Variants in SLC9D1 observed in about 807,000 individuals in gnomAD.
The protein encoded by SLC9D1 is putative LAG1-interacting protein.
At chr13:113,525,624 G>A in the SLC9D1 span, among the ~76,000 whole-genome samples, 351 of 106,250 alleles carry the variant, frequency 3.3e-3, no homozygotes, top group African/African-American at 9.5e-3. Context: ...GCAGACGACA[G>A]CTCTGTGCCT....
At chr13:113,532,451 A>G in the SLC9D1 span, among the ~76,000 whole-genome samples, 1 of 152,232 alleles carries the variant, frequency 6.6e-6, no homozygotes, top group East Asian at 1.9e-4. Context: ...AGGGCATGGC[A>G]GGGCAGAGAA....
the SLC9D1 span, chr13:113,539,208 C>A: frequency 1.5e-6 from 1 of 671,882 alleles, no homozygotes; most frequent in Non-Finnish European, 2.4e-6. This position sits in a 1 kb window ranked among gnomAD's most constrained non-coding sequence, Gnocchi z 4.8. Flanking sequence ...ACCCAGCAGA[C>A]GACCCAGGAC....
the SLC9D1 span, among the ~76,000 whole-genome samples, chr13:113,521,168 G>A: frequency 6.6e-6 from 1 of 151,908 alleles, no homozygotes; most frequent in Non-Finnish European, 1.5e-5. Flanking sequence ...CGTGGTATGT[G>A]TGTGTATGTA....
At chr13:113,524,721 A>G in the SLC9D1 span, among the ~76,000 whole-genome samples, 4 of 151,832 alleles carry the variant, frequency 2.6e-5, no homozygotes, top group African/African-American at 9.7e-5. Flanking sequence ...TTTTTGGTCA[A>G]TGTCTGCAAT....
the SLC9D1 span, among the ~76,000 whole-genome samples, chr13:113,494,167 G>A: frequency 9.2e-5 from 14 of 152,250 alleles, no homozygotes; most frequent in Non-Finnish European, 1.9e-4. Context: ...ATTGGATGCT[G>A]CTATGAAGAA....
the SLC9D1 span, among the ~76,000 whole-genome samples, chr13:113,496,690 A>G: frequency 6.6e-6 from 1 of 152,232 alleles, no homozygotes; most frequent in Non-Finnish European, 1.5e-5. Context: ...CTGTGATATT[A>G]TTACACAGCA....
At chr13:113,538,501 T>C in the SLC9D1 span, among the ~76,000 whole-genome samples, 1 of 152,250 alleles carries the variant, frequency 6.6e-6, no homozygotes, top group African/African-American at 2.4e-5. Context: ...TTGGCGCTCC[T>C]GTGCGTCTGT....
At chr13:113,546,416 C>G in the SLC9D1 span, among the ~76,000 whole-genome samples, 1 of 152,014 alleles carries the variant, frequency 6.6e-6, no homozygotes, top group Admixed American at 6.6e-5. The surrounding 1 kb of genome is among the most constrained non-coding windows in gnomAD (Gnocchi z 7.1). Flanking sequence ...GGGGGCAGCT[C>G]TGAGACCCAG....
At chr13:113,535,348 C>T in the SLC9D1 span, 1 of 151,790 alleles carries the variant, frequency 6.6e-6, no homozygotes, top group Non-Finnish European at 1.5e-5. The surrounding 1 kb of genome is among the most constrained non-coding windows in gnomAD (Gnocchi z 4.1). Context: ...TGCTCCTGGA[C>T]CCCCATAGAG....
At chr13:113,548,488 G>A in the SLC9D1 span, 63 of 1,582,718 alleles carry the variant, frequency 4.0e-5, no homozygotes, top group South Asian at 7.9e-5. Context: ...CTTCTCGGGC[G>A]GCACGGGCTG....
At chr13:113,496,078 G>A in the SLC9D1 span, 2 of 1,168,428 alleles carry the variant, frequency 1.7e-6, no homozygotes, top group Non-Finnish European at 2.4e-6. Flanking sequence ...GAGAGGTGAA[G>A]AGAGAGGGAG....
the SLC9D1 span, chr13:113,496,116 G>C: frequency 2.1e-6 from 2 of 930,514 alleles, no homozygotes; most frequent in Admixed American, 5.3e-5. Flanking sequence ...TCATCCTAGA[G>C]ACAGCCCACA....
the SLC9D1 span, among the ~76,000 whole-genome samples, chr13:113,543,180 T>A: frequency 2.0e-5 from 1 of 49,582 alleles, no homozygotes; most frequent in Non-Finnish European, 3.4e-5. Context: ...GGACCCCACC[T>A]CCTCCCCCTG....
At chr13:113,539,297 A>C in the SLC9D1 span, 1 of 1,555,932 alleles carries the variant, frequency 6.4e-7, no homozygotes, top group Non-Finnish European at 8.7e-7. This position sits in a 1 kb window ranked among gnomAD's most constrained non-coding sequence, Gnocchi z 4.8. Context: ...TGGCCTTGGG[A>C]TGGGGGTGAC....
At chr13:113,521,463 G>A in the SLC9D1 span, among the ~76,000 whole-genome samples, 2 of 151,152 alleles carry the variant, frequency 1.3e-5, no homozygotes, top group Non-Finnish European at 2.9e-5. Flanking sequence ...CTGTAGGGGG[G>A]TATCCACGTG....
the SLC9D1 span, chr13:113,527,150 T>G: frequency 6.6e-6 from 1 of 152,258 alleles, no homozygotes; most frequent in Non-Finnish European, 1.5e-5. Flanking sequence ...TCTCTTCTTT[T>G]ATTGAATACC....
chr13:113,501,067 C>G, the SLC9D1 span, among the ~76,000 whole-genome samples: 2 of 152,202 alleles, frequency 1.3e-5, no homozygotes, highest in Admixed American at 6.5e-5. Flanking sequence ...ACTAAAGATT[C>G]CTGCCTGCAC....
chr13:113,502,974 T>C, the SLC9D1 span, among the ~76,000 whole-genome samples: 1 of 152,186 alleles, frequency 6.6e-6, no homozygotes, highest in Non-Finnish European at 1.5e-5. Context: ...GTGTGGGGGC[T>C]CCCAGGACAG....
the SLC9D1 span, among the ~76,000 whole-genome samples, chr13:113,496,304 G>A: frequency 1.3e-5 from 2 of 152,192 alleles, no homozygotes; most frequent in African/African-American, 4.8e-5. Context: ...TTTCTCTATA[G>A]AGAAATCCCC....
Sources: gnomAD v4.1 joint callset for allele counts (sites outside exome capture counted in the v4.1 genomes callset) on GRCh38, gnomAD v4.1.1 for gene constraint, Gnocchi (gnomAD v3.1) non-coding constraint, MANE v1.5 for transcripts, NCBI Gene and HGNC (gene_info 2026-07-23, HGNC 2026-07-21) for gene names.